Variants in IL20RA observed in about 807,000 individuals in gnomAD.
IL20RA encodes the protein interleukin 20 receptor subunit alpha, also known as interleukin-20 receptor subunit alpha.
Under a neutral mutation model 36.5 loss-of-function variants are expected in IL20RA, and 29 were observed. That is an observed-to-expected ratio of 0.79 (90% CI 0.59 to 1.08). The LOEUF is 1.08. Among genes scored for constraint, IL20RA ranks in the 50% least tolerant of loss-of-function variants. The probability of loss-of-function intolerance (pLI) is 0.00; values close to 1 mark genes in which losing one functional copy is unlikely to be tolerated. For missense variants in IL20RA, 652 were observed against 668.4 expected, an observed-to-expected ratio of 0.98 and a Z score of 0.27; for synonymous variants, 279 against 267.1, an observed-to-expected ratio of 1.04 and a Z score of -0.43.
At chr6:137,013,130 C>T (rs1012133287) in intron 2 of IL20RA, among the ~76,000 whole-genome samples, 6 of 152,102 alleles carry the variant, frequency 3.9e-5, no homozygotes, top group African/African-American at 9.7e-5. Flanking sequence ...TTTTTCATTC[C>T]AGTCCATTCC....
At chr6:137,031,855 G>T (rs1225294649) in intron 1 of IL20RA, among the ~76,000 whole-genome samples, 1 of 152,058 alleles carries the variant, frequency 6.6e-6, no homozygotes, top group African/African-American at 2.4e-5. Context: ...AGGAGTTCTA[G>T]ACCAGCCTGG....
chr6:137,023,067 T>C (rs1775960829), intron 1 of IL20RA, among the ~76,000 whole-genome samples: 1 of 152,160 alleles, frequency 6.6e-6, no homozygotes, highest in Non-Finnish European at 1.5e-5. Context: ...GGATATCTTA[T>C]GGTGAATAGA....
chr6:137,030,952 C>T (rs1324859596), intron 1 of IL20RA, among the ~76,000 whole-genome samples: 1 of 152,192 alleles, frequency 6.6e-6, no homozygotes, highest in Non-Finnish European at 1.5e-5. Context: ...CTATTATGTA[C>T]CCATTCTCAC....
At chr6:137,017,205 C>T in intron 1 of IL20RA, 102 bp from the exon 2 acceptor site, 1 of 832,244 alleles carries the variant, frequency 1.2e-6, no homozygotes, top group Non-Finnish European at 1.9e-6. Context: ...TACGGCCTTC[C>T]AGTATGCATG....
At chr6:137,039,031 C>T (rs1209032778) in intron 1 of IL20RA, among the ~76,000 whole-genome samples, 1 of 152,178 alleles carries the variant, frequency 6.6e-6, no homozygotes, top group East Asian at 1.9e-4. Context: ...ATTGTCTTTA[C>T]CCACAGTTTA....
rs36068116 is a variant in IL20RA at position 137,028,414 on chromosome 6, TAAAAAA to T, written c.89-11317_89-11312del. On this transcript the variant is annotated intron_variant, in intron 1 of 6. Coordinates refer to ENST00000316649, the MANE Select transcript of IL20RA (RefSeq NM_014432.4). ...CTGGGTGACAGAGTGAGACTCCATC[TAAAAAA>T]AAAAAAAAAAAAAAGAAATTGACAG... 1.4e-3 allele frequency among the ~76,000 whole-genome samples: 169 copies of T among 117,282 alleles called. 2 individuals are homozygous for T. Among genetic ancestry groups the T allele is most frequent in the African/African-American group, 5.4e-3 (165 of 30,620 alleles). 76.9% of individuals were successfully genotyped at this position (117,282 alleles called of 152,430 possible). A position where few individuals can be genotyped will look rare whatever the true frequency, so the allele number is the denominator to read the frequency against.
chr6:137,015,167 C>G (rs986071174), intron 2 of IL20RA, among the ~76,000 whole-genome samples: 6 of 152,072 alleles, frequency 3.9e-5, no homozygotes, highest in African/African-American at 1.2e-4. Flanking sequence ...TTGTTTTTAC[C>G]AATTTTTTTC....
chr6:137,028,414 TAAA>T (rs36068116), intron 1 of IL20RA, among the ~76,000 whole-genome samples: 184 of 117,236 alleles, frequency 1.6e-3, no homozygotes, highest in Non-Finnish European at 1.3e-3. Context: ...AGACTCCATC[TAAA>T]AAAAAAAAAA....
rs1488431428 is a variant in IL20RA, at chr6:137,001,610, T to A, written c.1610A>T (p.Tyr537Phe). The A allele has an allele frequency of 6.2e-7, 1 of 1,607,422 alleles. No individual in the cohort carries two copies. The highest frequency in any genetic ancestry group is 1.1e-5 in the South Asian group (1 of 90,294). ...PDRPPGENET[Y>F]LMQFMEEWGL... ...CCATTCCTCCATGAATTGCATGAGA[T>A]AGGTTTCATTTTCTCCTGGTGGCCT... Residue 537 changes from tyrosine (Y) to phenylalanine (F), a missense_variant, in exon 7 of 7, where the codon TAT (tyrosine) becomes TTT (phenylalanine). Transcript: ENST00000316649.
chr6:137,000,923 C>T lies in IL20RA; in HGVS notation c.*635G>A, dbSNP rs1775012257. 1.3e-5 allele frequency: 2 copies of T among 152,284 alleles called. No individual in the cohort carries two copies. Among genetic ancestry groups the T allele is most frequent in the East Asian group, 3.9e-4 (2 of 5,186 alleles). The allele number at this position is 152,284 out of a possible 1,614,324, so 9.4% of individuals were successfully genotyped here. On this transcript the variant is annotated 3_prime_UTR_variant, in exon 7 of 7. Coordinates refer to ENST00000316649, the MANE Select transcript of IL20RA (RefSeq NM_014432.4). ...AAAAGAATACTCGTTTATGTTTACA[C>T]TCCAGAACTACTCATAAAGTATTAA...
At chr6:137,004,171 T>TG (rs1775186944) in intron 6 of IL20RA, among the ~76,000 whole-genome samples, 3 of 131,750 alleles carry the variant, frequency 2.3e-5, no homozygotes, top group Non-Finnish European at 4.9e-5. Flanking sequence ...TTTTTTTTTT[T>TG]TTTTTTTTTT....
chr6:137,023,482 C>A (rs114525241), intron 1 of IL20RA, among the ~76,000 whole-genome samples: 1 of 152,238 alleles, frequency 6.6e-6, no homozygotes, highest in South Asian at 2.1e-4. Context: ...AAAATATGAA[C>A]CTATTTATAT....
intron 1 of IL20RA, among the ~76,000 whole-genome samples, chr6:137,020,904 C>A (rs1473105287): frequency 6.6e-6 from 1 of 152,152 alleles, no homozygotes; most frequent in African/African-American, 2.4e-5. Flanking sequence ...TTTGGATCAT[C>A]CTGTTGTCAA....
At chr6:137,019,152 A>G (rs1775814091) in intron 1 of IL20RA, among the ~76,000 whole-genome samples, 1 of 150,266 alleles carries the variant, frequency 6.7e-6, no homozygotes, top group Admixed American at 6.6e-5. Context: ...TTTGAGACAG[A>G]GTCTCACTCT....
intron 1 of IL20RA, among the ~76,000 whole-genome samples, chr6:137,023,424 A>C (rs1429697446): frequency 2.0e-5 from 3 of 152,254 alleles, no homozygotes; most frequent in Non-Finnish European, 2.9e-5. Flanking sequence ...AAATGCCTGG[A>C]TTATATTTGA....
chr6:137,008,689 T>C lies in IL20RA; in HGVS notation c.634A>G (p.Thr212Ala). The C allele has an allele frequency of 3.1e-6, 5 of 1,607,112 alleles. No individual in the cohort carries two copies. Among genetic ancestry groups the C allele is most frequent in the Non-Finnish European group, 3.4e-6 (4 of 1,176,884 alleles). The change falls in exon 5 of 7, where the codon ACT (threonine) becomes GCT (alanine). Residue 212 changes from threonine (T) to alanine (A), a missense_variant. By Grantham distance (58) the Thr-to-Ala change is moderately conservative (BLOSUM62 0). Transcript: ENST00000316649. ...GACTCCACGTGTACGCAGTAAAGAG[T>C]GTTCGGCTCCAGCCAGGTGAGCACC... ...TLVLTWLEPNTLYCVHVESFV... is the reference protein window; with the variant it reads ...TLVLTWLEPNALYCVHVESFV...
At chr6:137,019,018 T>C (rs1418918807) in intron 1 of IL20RA, among the ~76,000 whole-genome samples, 1 of 152,206 alleles carries the variant, frequency 6.6e-6, no homozygotes, top group Non-Finnish European at 1.5e-5. Context: ...TGTGGCAACA[T>C]GAGTTTGGAG....
intron 2 of IL20RA, 89 bp downstream of exon 2, chr6:137,016,879 T>G (rs1775707245): frequency 1.7e-6 from 2 of 1,192,280 alleles, no homozygotes; most frequent in Non-Finnish European, 2.4e-6. Context: ...CAAACACATT[T>G]AATACCACGG....
intron 2 of IL20RA, among the ~76,000 whole-genome samples, chr6:137,011,953 T>C (rs1775517244): frequency 1.3e-5 from 2 of 152,194 alleles, no homozygotes; most frequent in Admixed American, 6.5e-5. Flanking sequence ...CATACAGAAA[T>C]CTGCATTTTT....
Sources: gnomAD v4.1 joint callset for allele counts (sites outside exome capture counted in the v4.1 genomes callset) on GRCh38, gnomAD v4.1.1 for gene constraint, MANE v1.5 for transcripts, NCBI Gene and HGNC (gene_info 2026-07-23, HGNC 2026-07-21) for gene names.